Variants in PDE3B observed in about 807,000 individuals in gnomAD.
The protein encoded by PDE3B is cGMP-inhibited 3',5'-cyclic phosphodiesterase 3B.
Under a neutral mutation model 116.8 loss-of-function variants are expected in PDE3B, and 66 were observed. That is an observed-to-expected ratio of 0.56 (90% CI 0.46 to 0.69). The LOEUF is 0.69. PDE3B is among the 30% of genes least tolerant of loss of function. The pLI, the probability that PDE3B is intolerant of heterozygous loss-of-function variation, is 0.00. For synonymous variants in PDE3B, 595 were observed against 533.6 expected, an observed-to-expected ratio of 1.12 and a Z score of -1.59; for missense variants, 1,384 against 1,368.1, an observed-to-expected ratio of 1.01 and a Z score of -0.18.
chr11:14,674,206 G>A (rs773261818), intron 1 of PDE3B: 370 of 1,255,690 alleles, frequency 2.9e-4, no homozygotes, highest in Non-Finnish European at 3.9e-4. Context: ...ATTTCCAGGG[G>A]TTTTCTGTTT....
rs1023172749 is a variant in PDE3B at position 14,666,705 on chromosome 11, A to C, written c.978+21652A>C. Among the ~76,000 whole-genome samples, 331 of 151,488 alleles carry C rather than the reference A, an allele frequency of 2.2e-3. 1 individual carries two copies. Among genetic ancestry groups the C allele is most frequent in the African/African-American group, 6.7e-3 (280 of 41,490 alleles). ...AAAATGCTCATCATCACTGGCCATC[A>C]GAGAAATGCAAATCAAAACCACAAT... On this transcript the variant is annotated intron_variant, in intron 1 of 15. Coordinates refer to ENST00000282096, the MANE Select transcript of PDE3B (RefSeq NM_000922.4).
At chr11:14,865,853 T>A (rs1412925663) in intron 14 of PDE3B, among the ~76,000 whole-genome samples, 1 of 152,160 alleles carries the variant, frequency 6.6e-6, no homozygotes, top group Admixed American at 6.6e-5. Flanking sequence ...AAAATAATAG[T>A]GTATGTAAAT....
chr11:14,676,240 G>A (rs1447583471), intron 1 of PDE3B, among the ~76,000 whole-genome samples: 1 of 152,118 alleles, frequency 6.6e-6, no homozygotes, highest in Non-Finnish European at 1.5e-5. Flanking sequence ...TAACAGTGAG[G>A]ATATGTTCTG....
At chr11:14,657,021 G>GTGAT (rs1853734356) in intron 1 of PDE3B, among the ~76,000 whole-genome samples, 1 of 152,164 alleles carries the variant, frequency 6.6e-6, no homozygotes, top group South Asian at 2.1e-4. Context: ...AATTTAAAAA[G>GTGAT]TGATTAAAAG....
chr11:14,871,757 A>T lies in PDE3B; in HGVS notation c.*2097A>T, dbSNP rs1848144890. ...AACAATAACTAGCCTAAAGAAACCC[A>T]AAAAAGTATCTCTCCCGAGCTGAAA... On this transcript the variant is annotated 3_prime_UTR_variant, in exon 16 of 16. Coordinates refer to ENST00000282096, the MANE Select transcript of PDE3B (RefSeq NM_000922.4). 1 of 152,172 alleles carries T rather than the reference A, an allele frequency of 6.6e-6. No homozygotes were observed. The highest frequency in any genetic ancestry group is 2.4e-5 in the African/African-American group (1 of 41,446). The allele number at this position is 152,172 out of a possible 1,614,324, so 9.4% of individuals were successfully genotyped here. A position where few individuals can be genotyped will look rare whatever the true frequency, so the allele number is the denominator to read the frequency against.
intron 1 of PDE3B, among the ~76,000 whole-genome samples, chr11:14,678,954 G>A (rs1372344988): frequency 6.6e-5 from 10 of 152,086 alleles, no homozygotes; most frequent in Non-Finnish European, 2.9e-5. Context: ...TTAAGTTTAG[G>A]TTTATTTTCT....
chr11:14,704,770 CT>C (rs1264246277), intron 1 of PDE3B, among the ~76,000 whole-genome samples: 1 of 151,250 alleles, frequency 6.6e-6, no homozygotes, highest in Non-Finnish European at 1.5e-5. Flanking sequence ...TGTCATAGAC[CT>C]AAATTTAAAA....
chr11:14,710,034 A>G (rs961670117), intron 1 of PDE3B, among the ~76,000 whole-genome samples: 7 of 152,202 alleles, frequency 4.6e-5, no homozygotes, highest in Non-Finnish European at 1.0e-4. Context: ...AAGTTGTAGC[A>G]TAAAGTCATA....
At chr11:14,659,977 A>G (rs534633905) in intron 1 of PDE3B, among the ~76,000 whole-genome samples, 38 of 152,336 alleles carry the variant, frequency 2.5e-4, no homozygotes, top group African/African-American at 8.4e-4. Flanking sequence ...GTGATCTCCC[A>G]GTTCTGTGTT....
rs1344740301 is a variant in PDE3B at position 14,847,807 on chromosome 11, A to G, written c.2520+3781A>G. On this transcript the variant is annotated intron_variant, in intron 12 of 15. Transcript: ENST00000282096. ...AACCAGGAAGAAGTTGACTCTCTGA[A>G]CAGACCAATAACAGGCTCTGAAATT... Among the ~76,000 whole-genome samples, 5 of 152,354 alleles carry G rather than the reference A, an allele frequency of 3.3e-5. No individual in the cohort carries two copies. In the East Asian group the frequency reaches 5.8e-4, roughly 18 times the overall value.
intron 1 of PDE3B, among the ~76,000 whole-genome samples, chr11:14,679,470 G>A (rs1002550676): frequency 3.9e-5 from 6 of 151,994 alleles, no homozygotes; most frequent in Admixed American, 6.6e-5. Flanking sequence ...GAACCTAGAC[G>A]CCCTCCACCG....
intron 7 of PDE3B, among the ~76,000 whole-genome samples, chr11:14,820,397 C>A (rs901812478): frequency 6.6e-6 from 1 of 151,988 alleles, no homozygotes; most frequent in African/African-American, 2.4e-5. Flanking sequence ...ATATGAAATT[C>A]TTGAAAGACA....
rs371524799 is a variant in PDE3B at position 14,665,324 on chromosome 11, A to G, written c.978+20271A>G. ...ACAGCCAATATCATACTGAATGGGC[A>G]AAAACTGGAAGCATTCCCTTTGAAA... On this transcript the variant is annotated intron_variant, in intron 1 of 15. Transcript: ENST00000282096. 4.6e-5 allele frequency among the ~76,000 whole-genome samples: 7 copies of G among 152,230 alleles called. No homozygotes were observed. In the East Asian group the frequency reaches 1.2e-3, roughly 25 times the overall value.
At chr11:14,648,974 AC>A (rs1296497669) in intron 1 of PDE3B, among the ~76,000 whole-genome samples, 2 of 152,190 alleles carry the variant, frequency 1.3e-5, no homozygotes, top group Non-Finnish European at 2.9e-5. Context: ...TAAGCTGAGA[AC>A]AAATTATAGC....
intron 12 of PDE3B, among the ~76,000 whole-genome samples, chr11:14,846,548 T>C (rs1280084551): frequency 6.6e-6 from 1 of 150,922 alleles, no homozygotes; most frequent in Admixed American, 6.6e-5. Context: ...GACTGGCAAA[T>C]TGGATAAAGA....
At chr11:14,856,596 T>G in intron 12 of PDE3B, among the ~76,000 whole-genome samples, 1 of 152,148 alleles carries the variant, frequency 6.6e-6, no homozygotes, top group Non-Finnish European at 1.5e-5. Flanking sequence ...GGCTCACGCC[T>G]GTAATCCCAG....
At chr11:14,891,125 T>C in the PDE3B span, 1 of 985,472 alleles carries the variant, frequency 1.0e-6, no homozygotes, top group Non-Finnish European at 1.2e-6. Context: ...TGGAAACTCC[T>C]GCCCCCTCCG....
intron 4 of PDE3B, among the ~76,000 whole-genome samples, chr11:14,798,309 G>C (rs966030348): frequency 1.2e-4 from 19 of 152,144 alleles, no homozygotes; most frequent in Admixed American, 2.6e-4. Flanking sequence ...TAAGCTTTTT[G>C]ATGTGCTGCT....
chr11:14,644,971 C>T lies in PDE3B; in HGVS notation c.896C>T (p.Ser299Leu), dbSNP rs1157082688. 2.7e-5 allele frequency: 44 copies of T among 1,613,774 alleles called. No homozygotes were observed. The highest frequency in any genetic ancestry group is 3.6e-5 in the Non-Finnish European group (42 of 1,179,970). The change falls in exon 1 of 16, where the codon TCG (serine) becomes TTG (leucine). Residue 299 changes from serine to leucine, a missense_variant. This residue lies in a region of PDE3B where 956 missense variants were observed against 806.8 expected (regional missense o/e 1.18). Transcript: ENST00000282096. ...IRPRRRSSCV[S>L]LGETAASYYG... ...CCCCGGAGGAGGTCCAGCTGCGTGT[C>T]GTTAGGAGAAACTGCAGCCAGTTAC...
Sources: gnomAD v4.1 joint callset for allele counts (sites outside exome capture counted in the v4.1 genomes callset) on GRCh38, gnomAD v4.1.1 for gene constraint, gnomAD v4.1.1 regional missense constraint, MANE v1.5 for transcripts, NCBI Gene and HGNC (gene_info 2026-07-23, HGNC 2026-07-21) for gene names.